The following MED1 variants were observed in gnomAD, a reference collection of about 807,000 sequenced individuals.
MED1 encodes the protein mediator of RNA polymerase II transcription subunit 1.
In MED1, 17 loss-of-function variants were observed where a neutral mutation model predicts 121.3. The ratio of observed to expected loss-of-function variants is 0.14; its 90% confidence interval spans 0.10 to 0.21. MED1 has a LOEUF of 0.21. MED1 is among the 10% of genes least tolerant of loss of function. MED1 has a pLI of 1.00. For missense variants in MED1, 1,558 were observed against 1,919.4 expected, an observed-to-expected ratio of 0.81 and a Z score of 3.52; for synonymous variants, 661 against 694.4, an observed-to-expected ratio of 0.95 and a Z score of 0.76.
At chr17:39,417,802 C>G (rs2048423871) in intron 14 of MED1, among the ~76,000 whole-genome samples, 1 of 151,996 alleles carries the variant, frequency 6.6e-6, no homozygotes, top group South Asian at 2.1e-4. Flanking sequence ...AGCAAAGCTT[C>G]TAATAGCCAA....
At chr17:39,415,576 T>C (rs1280448535) in intron 14 of MED1, among the ~76,000 whole-genome samples, 3 of 152,026 alleles carry the variant, frequency 2.0e-5, no homozygotes, top group African/African-American at 7.2e-5. Context: ...TTTGAGAGGC[T>C]GAGGTGGGCT....
Position 39,407,784 on chromosome 17 carries a change from A to G in MED1, c.4437T>C (p.Ser1479=). 6.2e-7 allele frequency: 1 copy of G among 1,613,890 alleles called. No individual in the cohort carries two copies. Among genetic ancestry groups the G allele is most frequent in the South Asian group, 1.1e-5 (1 of 91,062 alleles). The change falls in exon 17 of 17, where the codon AGT becomes AGC. Residue 1479 remains serine, a synonymous_variant. Transcript: ENST00000300651. ...SSIAEKSYQN[S]PSSDDGIRPL... ...GTCGGATACCATCGTCTGAGCTGGG[A>G]CTATTCTGATAAGATTTCTCTGCTA...
intron 6 of MED1, among the ~76,000 whole-genome samples, chr17:39,438,257 C>T (rs1175636941): frequency 1.3e-5 from 2 of 151,610 alleles, no homozygotes; most frequent in South Asian, 4.2e-4. Context: ...CTACAACCTC[C>T]GCCTCCTGGG....
chr17:39,406,585 A>G lies in MED1; in HGVS notation c.*890T>C. On this transcript the variant is annotated 3_prime_UTR_variant, in exon 17 of 17. Transcript: ENST00000300651. Reference sequence around the variant, plus strand: ...TTTTTTTTTTTTTTTTGAAAGGAAAATGAGATTACAAGTCAATACCTCCAC... The same window carrying G: ...TTTTTTTTTTTTTTTTGAAAGGAAAGTGAGATTACAAGTCAATACCTCCAC... 1 of 985,058 alleles carries G rather than the reference A, an allele frequency of 1.0e-6. No homozygotes were observed. The highest frequency in any genetic ancestry group is 6.2e-5 in the Admixed American group (1 of 16,246). 61.0% of individuals were successfully genotyped at this position (985,058 alleles called of 1,614,324 possible).
Position 39,434,258 on chromosome 17 carries a change from G to T in MED1, c.491C>A (p.Pro164Gln). The T allele has an allele frequency of 6.4e-7, 1 of 1,551,754 alleles. No homozygotes were observed. ...LKGLVNLYNLPGDNKLKTKMY... is the reference protein window; with the variant it reads ...LKGLVNLYNLQGDNKLKTKMY... ...TATTAAAAATACTTACTTGTCCCCT[G>T]GAAGGTTATACAGATTAACAAGGCC... Residue 164 changes from proline to glutamine, a missense_variant, in exon 7 of 17, where the codon CCA becomes CAA. Pro to Gln is a moderately conservative substitution (Grantham distance 76). Coordinates refer to ENST00000300651, the MANE Select transcript of MED1 (RefSeq NM_004774.4).
intron 14 of MED1, among the ~76,000 whole-genome samples, chr17:39,419,143 G>A (rs1025527711): frequency 6.6e-6 from 1 of 151,808 alleles, no homozygotes; most frequent in African/African-American, 2.4e-5. Context: ...GTGCAGTGGT[G>A]CAATCTGAGC....
chr17:39,427,534 T>TA (rs2048525659), intron 10 of MED1, 167 bp downstream of exon 10: 1 of 544,640 alleles, frequency 1.8e-6, no homozygotes, highest in African/African-American at 1.9e-5. Context: ...CATGTGTGTA[T>TA]ATACATATGT....
Position 39,451,137 on chromosome 17 carries a change from G to T in MED1, c.-75C>A. On this transcript the variant is annotated 5_prime_UTR_variant, in exon 1 of 17. Coordinates refer to ENST00000300651, the MANE Select transcript of MED1 (RefSeq NM_004774.4). ...CCACCACTAACGGAGGAAACAAGTT[G>T]GCTCGGGATCCCGGGACGCAGGGCA... The T allele has an allele frequency of 6.4e-7, 1 of 1,565,376 alleles. No individual in the cohort carries two copies. The highest frequency in any genetic ancestry group is 2.3e-5 in the East Asian group (1 of 42,854).
Position 39,440,600 on chromosome 17 carries a change from CTG to C in MED1, c.266+21_266+22del. On this transcript the variant is annotated intron_variant, in intron 4 of 16. Transcript: ENST00000300651. This position sits in a 1 kb window ranked among gnomAD's most constrained non-coding sequence, Gnocchi z 4.1. Reference sequence around the variant, plus strand: ...AAAGTTAACACTAAGTTAAACATTTCTGCCTACAGAAAGACTACTTACCCATT... The same window carrying C: ...AAAGTTAACACTAAGTTAAACATTTCCCTACAGAAAGACTACTTACCCATT... 1 of 1,612,542 alleles carries C rather than the reference CTG, an allele frequency of 6.2e-7. No homozygotes were observed. Among genetic ancestry groups the C allele is most frequent in the South Asian group, 1.1e-5 (1 of 90,826 alleles).
rs554428460 is a variant in MED1, at chr17:39,415,097, G to A, written c.1428C>T (p.Ser476=). ...VMDVQDSTHV[S]CKLYKGLSDA... Reference sequence around the variant, plus strand: ...CCGACAGCCCTTTGTAGAGTTTACAGCTCACATGTGTTGAGTCCTGCACAT... The same window carrying A: ...CCGACAGCCCTTTGTAGAGTTTACAACTCACATGTGTTGAGTCCTGCACAT... The change falls in exon 16 of 17, where the codon AGC becomes AGT. Residue 476 remains serine, a synonymous_variant. Coordinates refer to ENST00000300651, the MANE Select transcript of MED1 (RefSeq NM_004774.4). 5.0e-6 allele frequency: 8 copies of A among 1,614,036 alleles called. No individual in the cohort carries two copies. Among genetic ancestry groups the A allele is most frequent in the Non-Finnish European group, 5.9e-6 (7 of 1,180,018 alleles).
At chr17:39,431,214 C>T in intron 8 of MED1, 26 bp from the exon 9 acceptor site, 9 of 1,565,382 alleles carry the variant, frequency 5.7e-6, no homozygotes, top group Non-Finnish European at 7.0e-6. Context: ...TCTATGTTTG[C>T]TTATATTTAA....
Position 39,407,297 on chromosome 17 carries a change from T to C in MED1, c.*178A>G, listed in dbSNP as rs980475513. Reference sequence around the variant, plus strand: ...TGGTAACCAGAATCAAACCCTGTGGTTTCTTTAATAGGGTCTGGATATGCC... The same window carrying C: ...TGGTAACCAGAATCAAACCCTGTGGCTTCTTTAATAGGGTCTGGATATGCC... On this transcript the variant is annotated 3_prime_UTR_variant, in exon 17 of 17. Transcript: ENST00000300651. 10 of 1,185,684 alleles carry C rather than the reference T, an allele frequency of 8.4e-6. No individual in the cohort carries two copies. In the African/African-American group the frequency reaches 1.6e-4, roughly 19 times the overall value. 73.4% of individuals were successfully genotyped at this position (1,185,684 alleles called of 1,614,324 possible). A position where few individuals can be genotyped will look rare whatever the true frequency, so the allele number is the denominator to read the frequency against.
chr17:39,447,609 TC>T (rs1245686639), intron 2 of MED1, among the ~76,000 whole-genome samples, 188 bp downstream of exon 2: 1 of 152,102 alleles, frequency 6.6e-6, no homozygotes, highest in Non-Finnish European at 1.5e-5. Flanking sequence ...CTAAAACACT[TC>T]CGGTCCCAAG....
rs2048340957 is a variant in MED1, at chr17:39,409,975, G to A, written c.2246C>T (p.Pro749Leu). The change falls in exon 17 of 17, where the codon CCA becomes CTA. Residue 749 changes from proline to leucine, a missense_variant. Physicochemically the swap from Pro to Leu is moderately conservative, Grantham distance 98. Transcript: ENST00000300651. ...AGGTACTGGTTGTGGGTAAGTTGTT[G>A]GGGGAGTGCTACACTGGCTTGGAGC... ...TPAPSQCSTP[P>L]TTYPQPVPHP... is the part of the protein sequence containing the mutation. 6.2e-7 allele frequency: 1 copy of A among 1,613,966 alleles called. No individual in the cohort carries two copies. The highest frequency in any genetic ancestry group is 1.3e-5 in the African/African-American group (1 of 74,906).
At chr17:39,444,467 A>G (rs1054570462) in intron 2 of MED1, among the ~76,000 whole-genome samples, 17 of 151,472 alleles carry the variant, frequency 1.1e-4, no homozygotes, top group African/African-American at 4.1e-4. Context: ...AGATCACACC[A>G]CTGCACTCCA....
intron 13 of MED1, among the ~76,000 whole-genome samples, chr17:39,421,438 T>G (rs1224267299): frequency 6.6e-6 from 1 of 150,952 alleles, no homozygotes; most frequent in African/African-American, 2.4e-5. Context: ...CAGTCCCAGC[T>G]ACTCAGGAGG....
At chr17:39,413,912 TAAAAAAAAAAAAA>T (rs66489961) in intron 16 of MED1, among the ~76,000 whole-genome samples, 1 of 69,852 alleles carries the variant, frequency 1.4e-5, no homozygotes, top group South Asian at 6.7e-4. Flanking sequence ...GTAATATCAT[TAAAAAAAAAAAAA>T]AAAAAAAAAA....
chr17:39,415,143 A>G lies in MED1; in HGVS notation c.1394-12T>C, dbSNP rs1200883684. Reference sequence around the variant, plus strand: ...CACATCCATTACCACTGAAAGACAAAATACATAGGAAATTGTTTTAGATTT... The same window carrying G: ...CACATCCATTACCACTGAAAGACAAGATACATAGGAAATTGTTTTAGATTT... On this transcript the variant is annotated splice_polypyrimidine_tract_variant and intron_variant, in intron 15 of 16. Transcript: ENST00000300651. The G allele has an allele frequency of 6.2e-7, 1 of 1,612,830 alleles. No individual in the cohort carries two copies. Among genetic ancestry groups the G allele is most frequent in the Non-Finnish European group, 8.5e-7 (1 of 1,178,794 alleles).
intron 13 of MED1, among the ~76,000 whole-genome samples, chr17:39,420,791 ATTTT>A (rs71147330): frequency 1.1e-4 from 12 of 109,940 alleles, no homozygotes; most frequent in African/African-American, 3.2e-4. Context: ...ACATGTGCCT[ATTTT>A]TTTTTTTTTT....
Sources: gnomAD v4.1 joint callset for allele counts (sites outside exome capture counted in the v4.1 genomes callset) on GRCh38, gnomAD v4.1.1 for gene constraint, Gnocchi (gnomAD v3.1) non-coding constraint, MANE v1.5 for transcripts, NCBI Gene and HGNC (gene_info 2026-07-23, HGNC 2026-07-21) for gene names.